Variants in SLC35F4 observed in about 807,000 individuals in gnomAD.
The protein encoded by SLC35F4 is solute carrier family 35 member F4.
In SLC35F4, 24 loss-of-function variants were observed where a neutral mutation model predicts 44.2. That is an observed-to-expected ratio of 0.54 (90% CI 0.39 to 0.76). The LOEUF is 0.76. Ranked by LOEUF, SLC35F4 falls within the 30% of genes least tolerant of loss-of-function variation. The pLI is 0.00. For synonymous variants in SLC35F4, 238 were observed against 223.6 expected, an observed-to-expected ratio of 1.06 and a Z score of -0.57; for missense variants, 562 against 586.1, an observed-to-expected ratio of 0.96 and a Z score of 0.42.
upstream of SLC35F4, among the ~76,000 whole-genome samples, chr14:57,982,966 C>T (rs2141102592): frequency 6.6e-6 from 1 of 152,256 alleles, no homozygotes; most frequent in African/African-American, 2.4e-5. Context: ...TGCTGCTGGC[C>T]CTGTTCAAGG....
intron 1 of SLC35F4, among the ~76,000 whole-genome samples, chr14:57,950,092 G>T (rs1411035116): frequency 6.6e-6 from 1 of 152,160 alleles, no homozygotes; most frequent in Non-Finnish European, 1.5e-5. Flanking sequence ...GGCCAGGGAA[G>T]TTCTCCTCAA....
chr14:57,616,133 A>G (rs757406192), intron 1 of SLC35F4, among the ~76,000 whole-genome samples: 1 of 152,240 alleles, frequency 6.6e-6, no homozygotes, highest in African/African-American at 2.4e-5. Context: ...GTACATTCAT[A>G]TGGTTGTTCA....
At chr14:57,675,795 T>C (rs1396339071) in intron 1 of SLC35F4, among the ~76,000 whole-genome samples, 1 of 152,118 alleles carries the variant, frequency 6.6e-6, no homozygotes, top group African/African-American at 2.4e-5. Flanking sequence ...TTTTTAATTC[T>C]GTTTATGTCA....
chr14:57,799,768 G>C (rs984950457), intron 1 of SLC35F4, among the ~76,000 whole-genome samples: 1 of 152,130 alleles, frequency 6.6e-6, no homozygotes, highest in Non-Finnish European at 1.5e-5. Flanking sequence ...CTTTAAGCAG[G>C]ATCCCGATCC....
chr14:57,659,110 T>A (rs996868771), intron 1 of SLC35F4, among the ~76,000 whole-genome samples: 1 of 152,176 alleles, frequency 6.6e-6, no homozygotes, highest in African/African-American at 2.4e-5. Flanking sequence ...TCCTTCAGTT[T>A]TCTACTTTCT....
intron 1 of SLC35F4, among the ~76,000 whole-genome samples, chr14:57,776,448 C>T (rs1173982099): frequency 3.9e-5 from 6 of 151,916 alleles, no homozygotes; most frequent in Non-Finnish European, 5.9e-5. Flanking sequence ...GGGCGGATCA[C>T]GAGGTCAGGA....
At chr14:57,635,795 T>A (rs865873183) in intron 1 of SLC35F4, among the ~76,000 whole-genome samples, 3 of 152,164 alleles carry the variant, frequency 2.0e-5, no homozygotes, top group Admixed American at 6.6e-5. Context: ...TGTTTTGATT[T>A]CTGAGAACAA....
intron 1 of SLC35F4, among the ~76,000 whole-genome samples, chr14:57,677,654 G>C (rs1487125875): frequency 2.0e-5 from 3 of 151,998 alleles, no homozygotes; most frequent in Non-Finnish European, 4.4e-5. Flanking sequence ...GGAAACAAAT[G>C]AGATGACTAA....
intron 1 of SLC35F4, among the ~76,000 whole-genome samples, chr14:57,874,020 C>T (rs1204777415): frequency 1.3e-5 from 2 of 152,178 alleles, no homozygotes; most frequent in East Asian, 3.9e-4. Flanking sequence ...AAAATGTTTA[C>T]ATTCTTAAGC....
chr14:57,906,159 T>C (rs1304367712), intron 1 of SLC35F4, among the ~76,000 whole-genome samples: 1 of 152,168 alleles, frequency 6.6e-6, no homozygotes, highest in African/African-American at 2.4e-5. Flanking sequence ...ACAAAAGTAA[T>C]ACAATACATG....
intron 1 of SLC35F4, among the ~76,000 whole-genome samples, chr14:57,723,412 C>G (rs1284817625): frequency 6.6e-6 from 1 of 152,226 alleles, no homozygotes; most frequent in Non-Finnish European, 1.5e-5. Flanking sequence ...CCATCAAGGA[C>G]TTGAAAGATG....
chr14:57,681,661 A>G (rs2074907303), intron 1 of SLC35F4, among the ~76,000 whole-genome samples: 1 of 152,142 alleles, frequency 6.6e-6, no homozygotes, highest in Non-Finnish European at 1.5e-5. Context: ...ATGGGATCTG[A>G]TTAAACTAAA....
intron 1 of SLC35F4, among the ~76,000 whole-genome samples, chr14:57,963,997 C>T (rs1442456620): frequency 1.3e-5 from 2 of 152,118 alleles, no homozygotes; most frequent in East Asian, 1.9e-4. Flanking sequence ...GCTGGGATTA[C>T]AGGCATGAGC....
intron 1 of SLC35F4, among the ~76,000 whole-genome samples, chr14:57,964,630 G>A (rs1185622056): frequency 6.6e-6 from 1 of 152,030 alleles, no homozygotes; most frequent in Admixed American, 6.6e-5. Flanking sequence ...CTGGGAGGAA[G>A]GAGCCTTTTT....
intron 1 of SLC35F4, among the ~76,000 whole-genome samples, chr14:57,694,755 T>A (rs77209397): frequency 6.6e-6 from 1 of 152,094 alleles, no homozygotes; most frequent in African/African-American, 2.4e-5. Flanking sequence ...AGAGGTCTTA[T>A]ACATAATTTG....
chr14:57,749,188 C>T (rs2076826759), intron 1 of SLC35F4, among the ~76,000 whole-genome samples: 1 of 151,842 alleles, frequency 6.6e-6, no homozygotes, highest in Admixed American at 6.6e-5. Flanking sequence ...TCCAAATGTC[C>T]TTTTTTTTGT....
intron 1 of SLC35F4, among the ~76,000 whole-genome samples, chr14:57,810,932 T>G (rs897571460): frequency 6.6e-6 from 1 of 152,250 alleles, no homozygotes; most frequent in Non-Finnish European, 1.5e-5. Context: ...ATTCTAATAT[T>G]GTCAGGTGAC....
intron 1 of SLC35F4, among the ~76,000 whole-genome samples, chr14:57,754,893 A>G (rs8013544): frequency 0.47 from 71,786 of 152,096 alleles, 17,043 homozygotes; most frequent in Middle Eastern, 0.57. Flanking sequence ...CCAGAGAGGG[A>G]AAGGAACATA....
At chr14:57,654,211 C>G (rs62003996) in intron 1 of SLC35F4, among the ~76,000 whole-genome samples, 1 of 151,936 alleles carries the variant, frequency 6.6e-6, no homozygotes, top group African/African-American at 2.4e-5. Flanking sequence ...TCTTTAGTGG[C>G]GATTTCTGGG....
Sources: gnomAD v4.1 joint callset for allele counts (sites outside exome capture counted in the v4.1 genomes callset) on GRCh38, gnomAD v4.1.1 for gene constraint, MANE v1.5 for transcripts, NCBI Gene and HGNC (gene_info 2026-07-23, HGNC 2026-07-21) for gene names.